DSCAM: variants seen among roughly 807,000 people sequenced by gnomAD.
The protein encoded by DSCAM is DS cell adhesion molecule, also known as cell adhesion molecule DSCAM.
DSCAM carries 47 observed loss-of-function variants against 217.7 expected under a neutral mutation model. The ratio of observed to expected loss-of-function variants is 0.22; its 90% CI spans 0.17 to 0.28. The LOEUF is 0.28. Ranked by LOEUF, DSCAM falls within the 10% of genes least tolerant of loss-of-function variation. The pLI, the probability that DSCAM is intolerant of heterozygous loss-of-function variation, is 1.00. For missense variants in DSCAM, 2,080 were observed against 2,618.3 expected (o/e 0.79, Z 4.49); for synonymous variants, 1,056 against 1,015.3 (o/e 1.04, Z -0.76).
At chr21:40,464,287 G>A (rs971503697) in intron 3 of DSCAM, among the ~76,000 whole-genome samples, 9 of 152,198 alleles carry the variant, frequency 5.9e-5, no homozygotes, top group Non-Finnish European at 1.3e-4. Context: ...CAATGCAGGA[G>A]CAGGGAGCAG....
chr21:40,814,895 T>C (rs2091868080), intron 1 of DSCAM, among the ~76,000 whole-genome samples: 1 of 152,238 alleles, frequency 6.6e-6, no homozygotes. Context: ...TCTTGTATTC[T>C]TATTCATGAA....
intron 8 of DSCAM, among the ~76,000 whole-genome samples, chr21:40,330,419 T>TAC (rs921766635): frequency 1.4e-5 from 2 of 147,790 alleles, no homozygotes; most frequent in African/African-American, 4.9e-5. Flanking sequence ...TATATATATA[T>TAC]AGCATTCTTT....
intron 3 of DSCAM, among the ~76,000 whole-genome samples, chr21:40,459,057 A>T (rs1388999755): frequency 6.6e-6 from 1 of 152,138 alleles, no homozygotes; most frequent in Non-Finnish European, 1.5e-5. Flanking sequence ...ATAAGCATCC[A>T]ACTAAAAGAA....
chr21:40,389,447 C>T (rs1414688398), intron 3 of DSCAM, among the ~76,000 whole-genome samples: 2 of 152,152 alleles, frequency 1.3e-5, no homozygotes, highest in Non-Finnish European at 2.9e-5. Flanking sequence ...CTGTATTTGG[C>T]CAGTACCACA....
At chr21:40,353,872 T>C in intron 4 of DSCAM, 129 bp from the exon 5 acceptor site, 1 of 876,152 alleles carries the variant, frequency 1.1e-6, no homozygotes, top group Non-Finnish European at 1.6e-6. Context: ...CTTTAAGATT[T>C]TATAAGTGAA....
intron 11 of DSCAM, among the ~76,000 whole-genome samples, chr21:40,249,392 CCTT>C (rs2073271776): frequency 6.6e-6 from 1 of 152,120 alleles, no homozygotes; most frequent in African/African-American, 2.4e-5. Flanking sequence ...GCTTTTGCAT[CCTT>C]CTCATTTTCT....
chr21:40,471,048 C>G (rs2075884230), intron 3 of DSCAM, among the ~76,000 whole-genome samples: 3 of 152,150 alleles, frequency 2.0e-5, no homozygotes, highest in African/African-American at 7.2e-5. Flanking sequence ...CATTTCTTTA[C>G]TGGTATTTTT....
intron 1 of DSCAM, among the ~76,000 whole-genome samples, chr21:40,770,396 A>C (rs1448017670): frequency 6.6e-6 from 1 of 152,230 alleles, no homozygotes; most frequent in Non-Finnish European, 1.5e-5. Flanking sequence ...AATGGCTAGG[A>C]AATTGGCCAG....
chr21:40,032,369 C>G (rs1420536726), intron 32 of DSCAM, among the ~76,000 whole-genome samples: 4 of 151,984 alleles, frequency 2.6e-5, no homozygotes, highest in South Asian at 2.1e-4. Context: ...AAGTCAAAGC[C>G]CTACTTTTAT....
intron 20 of DSCAM, among the ~76,000 whole-genome samples, chr21:40,108,791 C>T (rs1389551761): frequency 6.6e-6 from 1 of 152,088 alleles, no homozygotes; most frequent in Non-Finnish European, 1.5e-5. Context: ...GGTTCTGGTA[C>T]AAGAACAGAC....
chr21:40,092,604 A>G (rs1227017913), intron 21 of DSCAM, among the ~76,000 whole-genome samples: 1 of 152,220 alleles, frequency 6.6e-6, no homozygotes, highest in Non-Finnish European at 1.5e-5. Flanking sequence ...TTGAAAGCAC[A>G]AAGGAAAGGA....
At chr21:40,601,423 A>G (rs1293796897) in intron 3 of DSCAM, among the ~76,000 whole-genome samples, 1 of 152,198 alleles carries the variant, frequency 6.6e-6, no homozygotes, top group Non-Finnish European at 1.5e-5. Context: ...TAACTGTTTC[A>G]GATTTTCAAA....
intron 4 of DSCAM, among the ~76,000 whole-genome samples, chr21:40,363,057 C>T (rs959417158): frequency 6.6e-6 from 1 of 152,014 alleles, no homozygotes; most frequent in African/African-American, 2.4e-5. Context: ...CATTTCCTGC[C>T]TCAGACCTTC....
chr21:40,125,993 G>A (rs542332274), intron 19 of DSCAM, among the ~76,000 whole-genome samples: 9 of 152,222 alleles, frequency 5.9e-5, no homozygotes, highest in Non-Finnish European at 1.3e-4. Context: ...GCACCAACCA[G>A]TTGAATGGCT....
intron 30 of DSCAM, among the ~76,000 whole-genome samples, chr21:40,046,188 AC>A (rs1186370789): frequency 1.3e-5 from 2 of 152,198 alleles, no homozygotes; most frequent in Non-Finnish European, 2.9e-5. Context: ...AGGTGCAATG[AC>A]TTTGTTTTTA....
intron 8 of DSCAM, among the ~76,000 whole-genome samples, chr21:40,325,605 T>C (rs2074309062): frequency 6.6e-6 from 1 of 152,168 alleles, no homozygotes; most frequent in African/African-American, 2.4e-5. Context: ...CAGGAAGAAG[T>C]AGCAGGAGTG....
intron 5 of DSCAM, among the ~76,000 whole-genome samples, chr21:40,353,107 CCTCT>C (rs896523851): frequency 2.6e-5 from 4 of 152,100 alleles, no homozygotes; most frequent in African/African-American, 9.7e-5. Context: ...ACAATCCTAC[CCTCT>C]CTCTCTGTTC....
At chr21:40,039,575 T>TAGAG (rs895518900) in intron 32 of DSCAM, among the ~76,000 whole-genome samples, 2 of 152,142 alleles carry the variant, frequency 1.3e-5, no homozygotes, top group African/African-American at 4.8e-5. Context: ...TATTTATGTA[T>TAGAG]AGAGAGAGAG....
chr21:40,169,103 G>A (rs2090628452), intron 15 of DSCAM, among the ~76,000 whole-genome samples: 1 of 152,114 alleles, frequency 6.6e-6, no homozygotes, highest in African/African-American at 2.4e-5. Flanking sequence ...GGCAGAAACT[G>A]AAGAGGGCAG....
Sources: gnomAD v4.1 joint callset for allele counts (sites outside exome capture counted in the v4.1 genomes callset) on GRCh38, gnomAD v4.1.1 for gene constraint, MANE v1.5 for transcripts, NCBI Gene and HGNC (gene_info 2026-07-23, HGNC 2026-07-21) for gene names.